The following ZNF165 variants were observed in gnomAD, a reference collection of about 807,000 sequenced individuals.
ZNF165 encodes the protein cancer/testis antigen 53.
A neutral mutation model predicts 19.6 loss-of-function variants in ZNF165; 14 were observed. That is an observed-to-expected ratio of 0.71 (90% CI 0.47 to 1.12). ZNF165 has a LOEUF of 1.12. Ranked by LOEUF, ZNF165 falls within the 50% of genes most tolerant of loss-of-function variation. ZNF165 has a pLI of 0.00. For synonymous variants in ZNF165, 165 were observed against 195.0 expected (o/e 0.85, Z 1.28); for missense variants, 504 against 566.3 (o/e 0.89, Z 1.12).
chr6:28,087,458 C>G (rs1764303420), intron 3 of ZNF165, among the ~76,000 whole-genome samples: 2 of 152,128 alleles, frequency 1.3e-5, no homozygotes, highest in Non-Finnish European at 2.9e-5. Flanking sequence ...GTTGGCCAGG[C>G]TGGTCTCAAA....
intron 3 of ZNF165, among the ~76,000 whole-genome samples, chr6:28,087,638 A>AC (rs1031466450): frequency 6.6e-6 from 1 of 152,076 alleles, no homozygotes; most frequent in African/African-American, 2.4e-5. Context: ...AATTTCCCTC[A>AC]CCCCATGAAC....
Position 28,085,834 on chromosome 6 carries a change from G to A in ZNF165, c.354G>A (p.Glu118=), listed in dbSNP as rs767159711. 6.2e-7 allele frequency: 1 copy of A among 1,613,594 alleles called. No homozygotes were observed. Among genetic ancestry groups the A allele is most frequent in the Non-Finnish European group, 8.5e-7 (1 of 1,180,024 alleles). Residue 118 remains glutamate (E), a synonymous_variant, in exon 2 of 4, where the codon GAG becomes GAA. Coordinates refer to ENST00000683778, the MANE Select transcript of ZNF165 (RefSeq NM_001376491.1). ...WVHEHYPESG[E]EAVTILEDLE... is the part of the protein sequence containing the mutation. ...ATGAACATTACCCAGAGAGTGGAGAGGAGGCAGTGACCATACTAGAAGATT... is the reference window on the plus strand; with the variant it reads ...ATGAACATTACCCAGAGAGTGGAGAAGAGGCAGTGACCATACTAGAAGATT...
At chr6:28,082,471 GT>G (rs1764178341) in intron 1 of ZNF165, among the ~76,000 whole-genome samples, 1 of 152,250 alleles carries the variant, frequency 6.6e-6, no homozygotes, top group Non-Finnish European at 1.5e-5. Flanking sequence ...CAGCAAGCCA[GT>G]GATAAGATTT....
Position 28,085,605 on chromosome 6 carries a change from T to C in ZNF165, c.125T>C (p.Leu42Pro), listed in dbSNP as rs1764255638. 8.7e-6 allele frequency: 14 copies of C among 1,614,230 alleles called. No individual in the cohort carries two copies. The highest frequency in any genetic ancestry group is 1.1e-5 in the Non-Finnish European group (13 of 1,180,034). The change falls in exon 2 of 4, where the codon CTC becomes CCC. Residue 42 changes from leucine to proline, a missense_variant. Coordinates refer to ENST00000683778, the MANE Select transcript of ZNF165 (RefSeq NM_001376491.1). Reference protein sequence around the residue: ...GQDTCLQRSELLKQELCRQLF... With the variant: ...GQDTCLQRSEPLKQELCRQLF... ...GACACTTGCTTACAGAGAAGTGAAC[T>C]CCTTAAGCAGGAGCTCTGCAGGCAG...
chr6:28,087,675 C>G (rs1021710186), intron 3 of ZNF165, among the ~76,000 whole-genome samples: 4 of 152,194 alleles, frequency 2.6e-5, no homozygotes, highest in African/African-American at 9.7e-5. Context: ...CTTTCCTGCC[C>G]TAGCGTATTG....
chr6:28,082,402 G>A (rs1764176185), intron 1 of ZNF165, among the ~76,000 whole-genome samples: 1 of 152,066 alleles, frequency 6.6e-6, no homozygotes, highest in Non-Finnish European at 1.5e-5. Context: ...GGAAATGAGG[G>A]GTCTCACAGC....
At chr6:28,082,439 G>T (rs1764177133) in intron 1 of ZNF165, among the ~76,000 whole-genome samples, 1 of 152,154 alleles carries the variant, frequency 6.6e-6, no homozygotes, top group Non-Finnish European at 1.5e-5. Context: ...CTTGAACAGA[G>T]ATTTACCCAC....
chr6:28,083,594 A>C (rs1212709463), intron 1 of ZNF165, among the ~76,000 whole-genome samples: 1 of 152,222 alleles, frequency 6.6e-6, no homozygotes, highest in African/African-American at 2.4e-5. Flanking sequence ...CCTAGCCAAT[A>C]GGGGAACGAC....
chr6:28,089,472 G>C lies in ZNF165; in HGVS notation c.*2G>C. ...ATGAGGGAAAACCTATTAATGTAAG[G>C]AACTTAAATTTGTAAGTAAATGCTG... is the stretch of plus-strand genomic sequence containing the variant. On this transcript the variant is annotated 3_prime_UTR_variant, in exon 4 of 4. Transcript: ENST00000683778. 1.9e-6 allele frequency: 3 copies of C among 1,552,610 alleles called. No homozygotes were observed. The highest frequency in any genetic ancestry group is 2.6e-6 in the Non-Finnish European group (3 of 1,149,858).
Position 28,088,995 on chromosome 6 carries a change from G to A in ZNF165, c.983G>A (p.Ser328Asn), listed in dbSNP as rs1055331603. 1.9e-6 allele frequency: 3 copies of A among 1,614,014 alleles called. No homozygotes were observed. In the African/African-American group the frequency reaches 4.0e-5, roughly 22 times the overall value. Residue 328 changes from serine to asparagine, a missense_variant, in exon 4 of 4, where the codon AGC becomes AAC. Ser to Asn is a conservative substitution (Grantham distance 46). Coordinates refer to ENST00000683778, the MANE Select transcript of ZNF165 (RefSeq NM_001376491.1). ...KNHQYGKSFK[S>N]PKLAKHAAVF... ...CACCAATATGGAAAATCTTTCAAGAGCCCAAAACTTGCTAAACATGCAGCA... is the reference window on the plus strand; with the variant it reads ...CACCAATATGGAAAATCTTTCAAGAACCCAAAACTTGCTAAACATGCAGCA...
In ZNF165 at chr6:28,088,045, A is replaced by G. The variant is rs145194588; in HGVS notation, c.551-518A>G. Reference sequence around the variant, plus strand: ...TACAAGGGACACTTAGTGGACAGTGATGACAGAATTTAGAAGACTGATTAA... The same window carrying G: ...TACAAGGGACACTTAGTGGACAGTGGTGACAGAATTTAGAAGACTGATTAA... On this transcript the variant is annotated intron_variant, in intron 3 of 3. Coordinates refer to ENST00000683778, the MANE Select transcript of ZNF165 (RefSeq NM_001376491.1). Among the ~76,000 whole-genome samples, 419 of 152,370 alleles carry G rather than the reference A, an allele frequency of 2.7e-3. 1 individual carries two copies. Among genetic ancestry groups the G allele is most frequent in the Middle Eastern group, 0.017 (5 of 294 alleles).
At chr6:28,088,207 T>C (rs1466684901) in intron 3 of ZNF165, among the ~76,000 whole-genome samples, 1 of 152,218 alleles carries the variant, frequency 6.6e-6, no homozygotes, top group Non-Finnish European at 1.5e-5. Context: ...ATTTTCCCTC[T>C]AGAAATGTAT....
At chr6:28,083,041 T>G (rs1226345209) in intron 1 of ZNF165, among the ~76,000 whole-genome samples, 1 of 152,226 alleles carries the variant, frequency 6.6e-6, no homozygotes, top group Non-Finnish European at 1.5e-5. Context: ...GACTTATATA[T>G]TCATATGTGT....
intron 3 of ZNF165, among the ~76,000 whole-genome samples, chr6:28,087,863 GT>G (rs2113687988): frequency 6.6e-6 from 1 of 152,286 alleles, no homozygotes; most frequent in East Asian, 1.9e-4. Flanking sequence ...AAGGATGGCA[GT>G]GTTTAATGAC....
Position 28,085,870 on chromosome 6 carries a change from C to T in ZNF165, c.390C>T (p.Gly130=). 6.2e-7 allele frequency: 1 copy of T among 1,611,586 alleles called. No homozygotes were observed. Among genetic ancestry groups the T allele is most frequent in the South Asian group, 1.1e-5 (1 of 91,060 alleles). ...AVTILEDLER[G]TDEAVLQVQA... ...CCATACTAGAAGATTTGGAGAGAGG[C>T]ACTGATGAAGCAGTACTCCAGGTGC... is the stretch of plus-strand genomic sequence containing the variant. The change falls in exon 2 of 4, where the codon GGC becomes GGT. Residue 130 remains glycine, a synonymous_variant. Coordinates refer to ENST00000683778, the MANE Select transcript of ZNF165 (RefSeq NM_001376491.1).
rs567002703 is a variant in ZNF165 at position 28,087,486 on chromosome 6, C to T, written c.551-1077C>T. Among the ~76,000 whole-genome samples, 17 of 152,288 alleles carry T rather than the reference C, an allele frequency of 1.1e-4. No homozygotes were observed. In the South Asian group the frequency reaches 1.7e-3, roughly 15 times the overall value. ...GTCTCAAACTCCTGACTTCGTGATC[C>T]GCCCGCCTTGGCCTCCCAGAGTGCT... On this transcript the variant is annotated intron_variant, in intron 3 of 3. Transcript: ENST00000683778.
chr6:28,084,621 T>G (rs1291216323), intron 1 of ZNF165, among the ~76,000 whole-genome samples: 1 of 152,084 alleles, frequency 6.6e-6, no homozygotes, highest in Non-Finnish European at 1.5e-5. Context: ...ATCGCGCCAT[T>G]GCACTCCAGC....
At chr6:28,084,843 G>A (rs1348301687) in intron 1 of ZNF165, among the ~76,000 whole-genome samples, 1 of 152,122 alleles carries the variant, frequency 6.6e-6, no homozygotes, top group African/African-American at 2.4e-5. Context: ...CCAAATTCAT[G>A]AACTTCACAG....
At position 28,084,380 on chromosome 6, in the gene ZNF165, C is replaced by T. The variant is rs142014318; in HGVS notation, c.1-1101C>T. Among the ~76,000 whole-genome samples, 7 of 152,260 alleles carry T rather than the reference C, an allele frequency of 4.6e-5. No individual in the cohort carries two copies. The East Asian group carries it at 5.8e-4, about 13-fold the overall frequency. On this transcript the variant is annotated intron_variant, in intron 1 of 3. Transcript: ENST00000683778. ...TAGTAAAAGAACCTCAGGCCGGGCA[C>T]GGTGGCTCACACCTGTAATCCCAGC... is the stretch of plus-strand genomic sequence containing the variant.
Sources: allele counts gnomAD v4.1 joint callset (sites outside exome capture counted in the v4.1 genomes callset), GRCh38; gene constraint gnomAD v4.1.1; transcripts MANE v1.5; gene names NCBI Gene and HGNC (gene_info 2026-07-23, HGNC 2026-07-21).